DGKH: variants seen among roughly 807,000 people sequenced by gnomAD.
DGKH encodes the protein DAG kinase eta.
In DGKH, 90 loss-of-function variants were observed where a neutral mutation model predicts 159.3. The ratio of observed to expected loss-of-function variants is 0.57; its 90% CI spans 0.48 to 0.67. The LOEUF is 0.67. Among genes scored for constraint, DGKH ranks in the 30% least tolerant of loss-of-function variants. The pLI is 0.00. For synonymous variants in DGKH, 536 were observed against 553.8 expected (o/e 0.97, Z 0.45); for missense variants, 1,181 against 1,506.1 (o/e 0.78, Z 3.57).
chr13:42,254,164 C>T (rs114644582), intron 30 of DGKH, among the ~76,000 whole-genome samples: 2,177 of 152,232 alleles, frequency 0.014, 36 homozygotes, highest in East Asian at 0.04. Context: ...CTCTTAGAAT[C>T]TATCCCTTGA....
At chr13:42,044,666 T>C (rs1237602728), upstream of DGKH, among the ~76,000 whole-genome samples, 1 of 152,200 alleles carries the variant, frequency 6.6e-6, no homozygotes, top group Non-Finnish European at 1.5e-5. Context: ...GAACTGAAGT[T>C]AGTTAAGCGA....
chr13:42,100,531 C>T (rs1320320193), intron 1 of DGKH, among the ~76,000 whole-genome samples: 1 of 152,080 alleles, frequency 6.6e-6, no homozygotes, highest in Non-Finnish European at 1.5e-5. Flanking sequence ...CTGCATTAGA[C>T]ACCACCAGCG....
chr13:42,250,899 C>T (rs547994076), intron 29 of DGKH, among the ~76,000 whole-genome samples: 1 of 152,240 alleles, frequency 6.6e-6, no homozygotes, highest in Non-Finnish European at 1.5e-5. Flanking sequence ...ATGAGCTATG[C>T]AATTTCAATG....
intron 13 of DGKH, among the ~76,000 whole-genome samples, chr13:42,179,443 C>T (rs574807116): frequency 1.3e-5 from 2 of 152,184 alleles, no homozygotes; most frequent in Admixed American, 1.3e-4. Flanking sequence ...GTCAACAAAA[C>T]AGAGTTTTAG....
At chr13:42,060,445 C>T (rs1047148119) in intron 1 of DGKH, among the ~76,000 whole-genome samples, 1 of 152,174 alleles carries the variant, frequency 6.6e-6, no homozygotes, top group African/African-American at 2.4e-5. Flanking sequence ...TGTAGGGGGT[C>T]CCCTAGCCAT....
At chr13:42,103,739 T>C (rs1405527496) in intron 1 of DGKH, among the ~76,000 whole-genome samples, 1 of 152,116 alleles carries the variant, frequency 6.6e-6, no homozygotes, top group Non-Finnish European at 1.5e-5. Flanking sequence ...AACTAATTAG[T>C]ATGTACTTGC....
intron 20 of DGKH, among the ~76,000 whole-genome samples, chr13:42,200,542 C>A (rs1056393929): frequency 2.0e-5 from 3 of 152,148 alleles, no homozygotes; most frequent in African/African-American, 7.2e-5. Context: ...ACTGTTTATG[C>A]CGATGGGGCA....
In DGKH at chr13:42,132,739, A is replaced by G. The variant is rs1955312368; in HGVS notation, c.384+3107A>G. ...GAACATAGATTCCCATCTCTACAAC[A>G]AATACAAAAATTAGCTGGGTATGGT... On this transcript the variant is annotated intron_variant, in intron 3 of 29. Transcript: ENST00000337343. Among the ~76,000 whole-genome samples the G allele has an allele frequency of 2.0e-5, 3 of 152,128 alleles. No homozygotes were observed. In the South Asian group the frequency reaches 6.2e-4, roughly 32 times the overall value.
At chr13:42,051,585 C>T (rs7337582) in intron 1 of DGKH, among the ~76,000 whole-genome samples, 1 of 149,056 alleles carries the variant, frequency 6.7e-6, no homozygotes, top group Non-Finnish European at 1.5e-5. Flanking sequence ...TGTCTCCGCA[C>T]AGGTGTGTAA....
Position 42,127,483 on chromosome 13 carries a change from G to A in DGKH, c.213G>A (p.Gln71=). The part of the protein sequence containing the change: ...IRTKTSIKEG[Q]LLKQTSSFQR... Reference sequence around the variant, plus strand: ...TCTAGACCAGTATTAAAGAGGGACAGCTATTGAAGCAAACCAGTTCTTTCC... The same window carrying A: ...TCTAGACCAGTATTAAAGAGGGACAACTATTGAAGCAAACCAGTTCTTTCC... The change falls in exon 2 of 30, where the codon CAG becomes CAA. Residue 71 remains glutamine, a synonymous_variant. Transcript: ENST00000337343. 1 of 1,613,662 alleles carries A rather than the reference G, an allele frequency of 6.2e-7. No individual in the cohort carries two copies. Among genetic ancestry groups the A allele is most frequent in the Non-Finnish European group, 8.5e-7 (1 of 1,179,664 alleles).
intron 1 of DGKH, among the ~76,000 whole-genome samples, chr13:42,116,765 T>C (rs1191120295): frequency 6.6e-6 from 1 of 152,244 alleles, no homozygotes; most frequent in South Asian, 2.1e-4. Flanking sequence ...TCCATGTGTG[T>C]ATATAATTTA....
chr13:42,163,048 T>A (rs1736593838), intron 7 of DGKH, among the ~76,000 whole-genome samples: 2 of 136,772 alleles, frequency 1.5e-5, no homozygotes, highest in Admixed American at 1.5e-4. Flanking sequence ...GAGTGTGATG[T>A]TCCCCTTCCT....
chr13:42,204,904 G>A (rs1957427048), intron 20 of DGKH, among the ~76,000 whole-genome samples: 1 of 152,008 alleles, frequency 6.6e-6, no homozygotes, highest in Non-Finnish European at 1.5e-5. Flanking sequence ...TTTTTAATGA[G>A]ATGTCCCATT....
chr13:42,210,251 A>G (rs979142611), intron 23 of DGKH, among the ~76,000 whole-genome samples: 2 of 151,854 alleles, frequency 1.3e-5, no homozygotes, highest in African/African-American at 4.8e-5. Flanking sequence ...GCTCACTGCA[A>G]CCTTAAACTC....
chr13:42,224,005 C>T (rs1369038735), intron 29 of DGKH, among the ~76,000 whole-genome samples: 2 of 152,074 alleles, frequency 1.3e-5, no homozygotes, highest in Non-Finnish European at 2.9e-5. Flanking sequence ...TTTGTCTTCC[C>T]GTGTCTTCTT....
intron 30 of DGKH, among the ~76,000 whole-genome samples, chr13:42,254,936 G>A (rs1958647198): frequency 6.6e-6 from 1 of 151,848 alleles, no homozygotes; most frequent in African/African-American, 2.4e-5. Context: ...AAGCAATGAT[G>A]TTATTTTTGG....
intron 1 of DGKH, among the ~76,000 whole-genome samples, chr13:42,077,040 T>A (rs1954113142): frequency 6.6e-6 from 1 of 152,156 alleles, no homozygotes; most frequent in African/African-American, 2.4e-5. Flanking sequence ...TATAGAATTA[T>A]GCATCACTTT....
chr13:42,058,048 TG>T (rs1352205000), intron 1 of DGKH, among the ~76,000 whole-genome samples: 1 of 152,158 alleles, frequency 6.6e-6, no homozygotes, highest in Non-Finnish European at 1.5e-5. Flanking sequence ...CATGCATCCC[TG>T]GTTTTGTTGG....
intron 7 of DGKH, among the ~76,000 whole-genome samples, chr13:42,161,583 C>T (rs572733120): frequency 6.7e-6 from 1 of 148,878 alleles, no homozygotes; most frequent in East Asian, 2.0e-4. Flanking sequence ...AGATCAAGAC[C>T]ATCCTGGCTA....
Sources: allele counts gnomAD v4.1 joint callset (sites outside exome capture counted in the v4.1 genomes callset), GRCh38; gene constraint gnomAD v4.1.1; transcripts MANE v1.5; gene names NCBI Gene and HGNC (gene_info 2026-07-23, HGNC 2026-07-21).